PSD3: variants seen among roughly 807,000 people sequenced by gnomAD.
PSD3 encodes PH and SEC7 domain-containing protein 3.
In PSD3, 49 loss-of-function variants were observed where a neutral mutation model predicts 105.5. That is an observed-to-expected ratio of 0.46 (90% CI 0.37 to 0.59). The LOEUF (loss-of-function observed/expected upper bound fraction) is 0.59, where lower values mean the gene tolerates loss of function less well. Ranked by LOEUF, PSD3 falls within the 20% of genes least tolerant of loss-of-function variation. The pLI, the probability that PSD3 is intolerant of heterozygous loss-of-function variation, is 0.00. For missense variants in PSD3, 1,561 were observed against 1,263.8 expected (o/e 1.24, Z -3.57); for synonymous variants, 557 against 457.8 (o/e 1.22, Z -2.77).
chr8:18,553,773 C>T (rs1022675307), intron 15 of PSD3, among the ~76,000 whole-genome samples: 2 of 152,140 alleles, frequency 1.3e-5, no homozygotes, highest in Admixed American at 6.5e-5. Context: ...TTATACAAAA[C>T]CCCTTTTAGA....
chr8:18,655,425 C>T (rs1463651747), intron 10 of PSD3, among the ~76,000 whole-genome samples: 1 of 151,772 alleles, frequency 6.6e-6, no homozygotes, highest in Non-Finnish European at 1.5e-5. Flanking sequence ...ACCAAAAAAC[C>T]ACAGGATACT....
intron 15 of PSD3, among the ~76,000 whole-genome samples, chr8:18,549,052 G>A (rs1036528916): frequency 6.6e-6 from 1 of 152,140 alleles, no homozygotes; most frequent in Non-Finnish European, 1.5e-5. Context: ...ACTTTCCCCA[G>A]TGGAAGAAAT....
rs1799604116 is a variant in PSD3 at position 18,530,792 on chromosome 8, T to C, written c.*4951A>G. The C allele has an allele frequency of 6.6e-6, 1 of 152,250 alleles. No individual in the cohort carries two copies. The allele number at this position is 152,250 out of a possible 1,614,324, so 9.4% of individuals were successfully genotyped here. The stretch of plus-strand genomic sequence containing the variant: ...AAAGATTCACAAGGTTAGTTGAAAG[T>C]CATTTTTGCCCTGGTGATTCAAAGC... On this transcript the variant is annotated 3_prime_UTR_variant, in exon 16 of 16. Coordinates refer to ENST00000327040, the MANE Select transcript of PSD3 (RefSeq NM_015310.4).
chr8:18,799,495 A>T, intron 7 of PSD3, 142 bp from the exon 8 acceptor site: 1 of 634,400 alleles, frequency 1.6e-6, no homozygotes. Context: ...AGAAACAAAA[A>T]ATGGATAAGA....
At chr8:18,976,407 A>G (rs977575473) in intron 1 of PSD3, among the ~76,000 whole-genome samples, 1 of 152,228 alleles carries the variant, frequency 6.6e-6, no homozygotes, top group Non-Finnish European at 1.5e-5. Flanking sequence ...GTACAGTGAC[A>G]CAGGCAATTT....
chr8:19,040,656 G>A (rs146904124), intron 1 of PSD3, among the ~76,000 whole-genome samples: 49 of 152,318 alleles, frequency 3.2e-4, no homozygotes, highest in Middle Eastern at 3.4e-3. Context: ...CAGGAAGACT[G>A]CTTACGATTC....
intron 10 of PSD3, among the ~76,000 whole-genome samples, chr8:18,651,298 A>G (rs923498033): frequency 1.3e-5 from 2 of 152,074 alleles, no homozygotes; most frequent in African/African-American, 2.4e-5. Flanking sequence ...TATAACAGTT[A>G]TAACATTCTC....
intron 14 of PSD3, among the ~76,000 whole-genome samples, chr8:18,568,871 A>C (rs1224453355): frequency 2.7e-5 from 4 of 149,392 alleles, no homozygotes; most frequent in African/African-American, 7.4e-5. Context: ...CCGACCCCAC[A>C]ACAGTCCCCA....
intron 4 of PSD3, among the ~76,000 whole-genome samples, chr8:18,823,535 A>G (rs1266807254): frequency 1.3e-5 from 2 of 152,018 alleles, no homozygotes; most frequent in Admixed American, 6.6e-5. Context: ...GCCACAAGAG[A>G]TCCTGAATTC....
chr8:19,060,140 C>A (rs1181969306), intron 1 of PSD3, among the ~76,000 whole-genome samples: 1 of 152,118 alleles, frequency 6.6e-6, no homozygotes, highest in Non-Finnish European at 1.5e-5. Context: ...TTCTTCCTCA[C>A]CTGTGAATAA....
chr8:18,930,571 T>A (rs957222084), intron 2 of PSD3, among the ~76,000 whole-genome samples: 2 of 49,424 alleles, frequency 4.0e-5, no homozygotes, highest in African/African-American at 2.7e-4. Context: ...CTTTTTCAAT[T>A]TTTTTTTTTT....
intron 8 of PSD3, among the ~76,000 whole-genome samples, chr8:18,782,371 A>C (rs768874861): frequency 2.0e-5 from 3 of 152,054 alleles, no homozygotes; most frequent in Non-Finnish European, 2.9e-5. Context: ...TGTTTGGGTA[A>C]GGCGTTTTGG....
intron 1 of PSD3, among the ~76,000 whole-genome samples, chr8:18,996,502 C>A (rs922260956): frequency 6.6e-6 from 1 of 151,840 alleles, no homozygotes; most frequent in Non-Finnish European, 1.5e-5. Context: ...TGAAAAAAAT[C>A]AACAGCATTA....
At chr8:18,723,720 G>C (rs1219547291) in intron 9 of PSD3, among the ~76,000 whole-genome samples, 1 of 152,166 alleles carries the variant, frequency 6.6e-6, no homozygotes, top group Non-Finnish European at 1.5e-5. Flanking sequence ...ACATAGCAAA[G>C]TACGGTAGCC....
chr8:18,897,013 T>C (rs1350122417), intron 2 of PSD3, among the ~76,000 whole-genome samples: 4 of 151,406 alleles, frequency 2.6e-5, no homozygotes, highest in Non-Finnish European at 5.9e-5. Context: ...TTTCTCCATG[T>C]TGAGGCTGGT....
chr8:18,702,881 G>C (rs548050913), intron 9 of PSD3, among the ~76,000 whole-genome samples: 32 of 152,024 alleles, frequency 2.1e-4, no homozygotes, highest in African/African-American at 7.7e-4. Flanking sequence ...CAAAGTGCTG[G>C]GATTACAGGT....
intron 15 of PSD3, 55 bp from the exon 16 acceptor site, chr8:18,536,013 G>A (rs1422414753): frequency 1.3e-6 from 2 of 1,522,264 alleles, no homozygotes; most frequent in Non-Finnish European, 9.1e-7. Flanking sequence ...AAATGCACGT[G>A]TGCAGCACAC....
At chr8:18,705,737 G>A (rs1585676917) in intron 9 of PSD3, among the ~76,000 whole-genome samples, 1 of 152,016 alleles carries the variant, frequency 6.6e-6, no homozygotes, top group East Asian at 1.9e-4. Context: ...AAGTGACATA[G>A]GCTATGTCTG....
intron 1 of PSD3, among the ~76,000 whole-genome samples, chr8:19,051,510 G>A (rs994309517): frequency 2.6e-5 from 4 of 152,178 alleles, no homozygotes; most frequent in Non-Finnish European, 5.9e-5. Flanking sequence ...AATATTTTCT[G>A]AATGGGTGAA....
Sources: gnomAD v4.1 joint callset for allele counts (sites outside exome capture counted in the v4.1 genomes callset) on GRCh38, gnomAD v4.1.1 for gene constraint, MANE v1.5 for transcripts, NCBI Gene and HGNC (gene_info 2026-07-23, HGNC 2026-07-21) for gene names.